Variants in ADAMTSL1 observed in about 807,000 individuals in gnomAD.
The protein encoded by ADAMTSL1 is ADAMTS-like protein 1.
ADAMTSL1 carries 126 observed loss-of-function variants against 201.8 expected under a neutral mutation model. The ratio of observed to expected loss-of-function variants is 0.62; its 90% confidence interval spans 0.54 to 0.72. The LOEUF is 0.72. Ranked by LOEUF, ADAMTSL1 falls within the 30% of genes least tolerant of loss-of-function variation. The pLI is 0.00. For synonymous variants in ADAMTSL1, 1,121 were observed against 903.4 expected (o/e 1.24, Z -4.32); for missense variants, 2,679 against 2,277.8 (o/e 1.18, Z -3.59).
chr9:18,646,158 A>G (rs929331658), intron 7 of ADAMTSL1, among the ~76,000 whole-genome samples: 28 of 151,496 alleles, frequency 1.8e-4, no homozygotes, highest in Non-Finnish European at 3.8e-4. Context: ...GCAATTGTGA[A>G]TCGGAGTTCA....
chr9:18,333,432 C>G (rs1252880504), intron 2 of ADAMTSL1, among the ~76,000 whole-genome samples: 1 of 152,132 alleles, frequency 6.6e-6, no homozygotes, highest in Non-Finnish European at 1.5e-5. Context: ...TGTAAGTTTC[C>G]TGAGGACTCC....
intron 3 of ADAMTSL1, among the ~76,000 whole-genome samples, chr9:18,551,407 G>A (rs75850935): frequency 0.015 from 2,330 of 151,582 alleles, 61 homozygotes; most frequent in African/African-American, 0.052. Flanking sequence ...AAAGAAATTG[G>A]GACATGTTTC....
chr9:18,469,399 T>C (rs545896602), upstream of ADAMTSL1, among the ~76,000 whole-genome samples: 1 of 152,352 alleles, frequency 6.6e-6, no homozygotes, highest in East Asian at 1.9e-4. Context: ...TGGGATTCTG[T>C]TGCAAAGAAC....
intron 15 of ADAMTSL1, among the ~76,000 whole-genome samples, chr9:18,737,539 T>C (rs1438449608): frequency 6.6e-6 from 1 of 152,172 alleles, no homozygotes; most frequent in Non-Finnish European, 1.5e-5. Context: ...ATAGGCTTTA[T>C]TGGCACTATT....
Position 18,910,583 on chromosome 9 carries a change from T to C in ADAMTSL1, c.*2035T>C, listed in dbSNP as rs11794832. ...TCATTTGTGGCATAATAGTTATGCA[T>C]GGAATGATAAAGACAGACAAATTCC... On this transcript the variant is annotated 3_prime_UTR_variant, in exon 29 of 29. Transcript: ENST00000380548. 0.2 allele frequency: 29,733 copies of C among 152,210 alleles called. 2,996 individuals are homozygous for C. The highest frequency in any genetic ancestry group is 0.28 in the South Asian group (1,343 of 4,826). 9.4% of individuals were successfully genotyped at this position (152,210 alleles called of 1,614,324 possible). A position where few individuals can be genotyped will look rare whatever the true frequency, so the allele number is the denominator to read the frequency against.
intron 25 of ADAMTSL1, 25 bp from the exon 26 acceptor site, chr9:18,892,364 T>A (rs1481877885): frequency 6.2e-7 from 1 of 1,600,966 alleles, no homozygotes; most frequent in East Asian, 2.2e-5. Flanking sequence ...TTTAGGGCTC[T>A]CCTGACACTT....
intron 1 of ADAMTSL1, among the ~76,000 whole-genome samples, chr9:17,983,703 T>C (rs1818814375): frequency 6.6e-6 from 1 of 152,160 alleles, no homozygotes; most frequent in Non-Finnish European, 1.5e-5. Flanking sequence ...TAGACAGAAT[T>C]GGACTGTTAA....
rs145518169 is a variant in ADAMTSL1, at chr9:18,673,088, C to T, written c.1086-2769C>T. Among the ~76,000 whole-genome samples, 877 of 152,280 alleles carry T rather than the reference C, an allele frequency of 5.8e-3. 16 individuals carry two copies. Among genetic ancestry groups the T allele is most frequent in the African/African-American group, 0.02 (829 of 41,552 alleles). On this transcript the variant is annotated intron_variant, in intron 9 of 28. Coordinates refer to ENST00000380548, the MANE Select transcript of ADAMTSL1 (RefSeq NM_001040272.6). ...CATTTTTAAAAATCATTTTTGCCTC[C>T]TTCACCACACCCCACATATTCAGAT...
intron 1 of ADAMTSL1, among the ~76,000 whole-genome samples, chr9:18,483,799 C>A: frequency 6.6e-6 from 1 of 152,072 alleles, no homozygotes; most frequent in East Asian, 1.9e-4. Flanking sequence ...TGCACTCCAG[C>A]CTGGGCGACA....
chr9:17,978,302 A>G (rs573804373), intron 1 of ADAMTSL1, among the ~76,000 whole-genome samples: 2 of 152,208 alleles, frequency 1.3e-5, no homozygotes, highest in African/African-American at 4.8e-5. Context: ...GTGATTATCA[A>G]TAAGTAAATA....
chr9:18,001,751 G>A (rs150497056), intron 1 of ADAMTSL1, among the ~76,000 whole-genome samples: 55 of 152,126 alleles, frequency 3.6e-4, no homozygotes, highest in Non-Finnish European at 6.0e-4. Flanking sequence ...GAGGTTGGGG[G>A]TGGAGAGCTC....
chr9:18,290,281 AT>A (rs35411626), intron 2 of ADAMTSL1, among the ~76,000 whole-genome samples: 47 of 147,866 alleles, frequency 3.2e-4, no homozygotes, highest in East Asian at 1.2e-3. Context: ...AGGGGATTAG[AT>A]TTTTTTTTTT....
intron 23 of ADAMTSL1, among the ~76,000 whole-genome samples, chr9:18,863,396 G>A (rs1185042506): frequency 6.6e-6 from 1 of 152,230 alleles, no homozygotes. Context: ...TACGCTAGGG[G>A]TGAAGAGACA....
chr9:18,050,617 C>T (rs1436909726), intron 1 of ADAMTSL1, among the ~76,000 whole-genome samples: 6 of 152,040 alleles, frequency 3.9e-5, no homozygotes, highest in African/African-American at 1.4e-4. Flanking sequence ...AAGAAATGCT[C>T]TTAAGAATTC....
chr9:17,966,811 C>G (rs1352431499), intron 1 of ADAMTSL1, among the ~76,000 whole-genome samples: 1 of 151,954 alleles, frequency 6.6e-6, no homozygotes, highest in Non-Finnish European at 1.5e-5. Context: ...TTTCCCTCCC[C>G]AATCCTGTTG....
chr9:18,509,416 C>G (rs932811393), intron 2 of ADAMTSL1, among the ~76,000 whole-genome samples: 1 of 152,114 alleles, frequency 6.6e-6, no homozygotes, highest in Non-Finnish European at 1.5e-5. Context: ...AGCAATTATT[C>G]ATTGCCACAG....
Position 18,034,070 on chromosome 9 carries a change from CTT to C in ADAMTSL1, c.87+127149_87+127150del, listed in dbSNP as rs372790722. Among the ~76,000 whole-genome samples the C allele has an allele frequency of 6.5e-3, 985 of 152,264 alleles. 16 individuals are homozygous for C. The highest frequency in any genetic ancestry group is 0.023 in the African/African-American group (945 of 41,554). On this transcript the variant is annotated intron_variant, in intron 1 of 29. Coordinates refer to the ADAMTSL1 transcript ENST00000680146. ...GTTCTTTCTATTGTTCTATGTCTCT[CTT>C]GCTTTTTCAATTGTTTCCTTATATC...
chr9:18,876,357 AT>A (rs1024510236), intron 23 of ADAMTSL1, among the ~76,000 whole-genome samples: 3 of 144,812 alleles, frequency 2.1e-5, no homozygotes, highest in Non-Finnish European at 4.5e-5. Flanking sequence ...GTTCTGTGAG[AT>A]TTATGCTTTA....
At chr9:18,904,441 C>G (rs1830177303) in intron 26 of ADAMTSL1, among the ~76,000 whole-genome samples, 1 of 151,634 alleles carries the variant, frequency 6.6e-6, no homozygotes, top group Non-Finnish European at 1.5e-5. Flanking sequence ...TGCACTCTAG[C>G]CTGGTGACAG....
Sources: allele counts gnomAD v4.1 joint callset (sites outside exome capture counted in the v4.1 genomes callset), GRCh38; gene constraint gnomAD v4.1.1; transcripts MANE v1.5; gene names NCBI Gene and HGNC (gene_info 2026-07-23, HGNC 2026-07-21).